COL11A1: variants seen among roughly 807,000 people sequenced by gnomAD.
COL11A1 encodes collagen alpha-1(XI) chain.
A neutral mutation model predicts 265.2 loss-of-function variants in COL11A1; 74 were observed. That is an observed-to-expected ratio of 0.28 (90% confidence interval 0.23 to 0.34). The LOEUF is 0.34. COL11A1 is among the 10% of genes least tolerant of loss of function. The pLI is 1.00. For missense variants in COL11A1, 2,165 were observed against 2,263.6 expected (o/e 0.96, Z 0.88); for synonymous variants, 816 against 727.6 (o/e 1.12, Z -1.96).
chr1:103,095,538 G>A (rs1325175582), intron 1 of COL11A1, among the ~76,000 whole-genome samples: 2 of 151,912 alleles, frequency 1.3e-5, no homozygotes, highest in African/African-American at 4.8e-5. Flanking sequence ...TAAGCAAAAG[G>A]AAAAATAAGT....
chr1:102,943,356 T>G (rs528833917), intron 42 of COL11A1, among the ~76,000 whole-genome samples: 1 of 151,992 alleles, frequency 6.6e-6, no homozygotes, highest in Non-Finnish European at 1.5e-5. Flanking sequence ...TCTTTCGGAT[T>G]TCAGTATTCT....
chr1:103,071,759 G>C (rs979887536), intron 4 of COL11A1, among the ~76,000 whole-genome samples: 3 of 150,724 alleles, frequency 2.0e-5, no homozygotes, highest in African/African-American at 7.3e-5. Context: ...AAGTTGAAAT[G>C]TCATGGTTGT....
chr1:102,908,191 T>A (rs11164635), intron 54 of COL11A1, among the ~76,000 whole-genome samples: 98,376 of 151,968 alleles, frequency 0.65, 35,750 homozygotes, highest in East Asian at 0.98. Context: ...GGTATTTGTG[T>A]CAAATACTTT....
chr1:102,893,522 T>C (rs150668383), intron 57 of COL11A1, among the ~76,000 whole-genome samples: 179 of 152,278 alleles, frequency 1.2e-3, no homozygotes, highest in African/African-American at 4.1e-3. Flanking sequence ...TTATTCTAAC[T>C]ATACATATTT....
At chr1:102,992,294 AAAC>A (rs1259946117) in intron 28 of COL11A1, among the ~76,000 whole-genome samples, 1 of 152,102 alleles carries the variant, frequency 6.6e-6, no homozygotes, top group Non-Finnish European at 1.5e-5. Flanking sequence ...AAAAAGAAGA[AAAC>A]ATAGTTTTAG....
intron 9 of COL11A1, among the ~76,000 whole-genome samples, chr1:103,019,720 C>T (rs1286769474): frequency 6.9e-6 from 1 of 145,084 alleles, no homozygotes; most frequent in Non-Finnish European, 1.5e-5. Flanking sequence ...GTATATCTCC[C>T]AATGCTATCC....
intron 4 of COL11A1, among the ~76,000 whole-genome samples, chr1:103,069,177 T>A (rs1431309346): frequency 6.6e-6 from 1 of 151,492 alleles, no homozygotes; most frequent in Non-Finnish European, 1.5e-5. Context: ...TTTCTAAAAC[T>A]ACAGTAATCA....
intron 46 of COL11A1, among the ~76,000 whole-genome samples, chr1:102,924,024 C>G (rs938881932): frequency 1.4e-5 from 2 of 147,562 alleles, no homozygotes; most frequent in African/African-American, 5.1e-5. Context: ...CTGGCTAACA[C>G]CGGTGAAACC....
At chr1:103,001,686 G>T in intron 24 of COL11A1, 1 of 568,046 alleles carries the variant, frequency 1.8e-6, no homozygotes, top group Non-Finnish European at 3.2e-6. Context: ...AATTAACATA[G>T]CTGAGAATGC....
chr1:103,005,965 A>G, intron 17 of COL11A1, 74 bp from the exon 18 acceptor site: 1 of 1,612,590 alleles, frequency 6.2e-7, no homozygotes. Context: ...TGCAATTTAA[A>G]TGCGAAATAT....
rs188690372 is a variant in COL11A1, at chr1:102,947,031, G to A, written c.3169-75C>T. The A allele has an allele frequency of 2.3e-5, 27 of 1,150,350 alleles. No homozygotes were observed. The East Asian group carries it at 6.6e-4, about 28-fold the overall frequency. The allele number at this position is 1,150,350 out of a possible 1,614,324, so 71.3% of individuals were successfully genotyped here. On this transcript the variant is annotated intron_variant, in intron 41 of 66. Transcript: ENST00000370096. ...CTTAAGAATCACTTATTTAACAATA[G>A]CTTCTTACAGTCTAGTAAATTATGT... is the stretch of plus-strand genomic sequence containing the variant.
intron 46 of COL11A1, among the ~76,000 whole-genome samples, chr1:102,926,396 C>T (rs1406269467): frequency 6.6e-6 from 1 of 152,042 alleles, no homozygotes; most frequent in African/African-American, 2.4e-5. Flanking sequence ...TGTATATATC[C>T]TTCATATGCA....
intron 4 of COL11A1, among the ~76,000 whole-genome samples, chr1:103,055,903 C>T (rs79486314): frequency 0.014 from 2,055 of 152,156 alleles, 46 homozygotes; most frequent in African/African-American, 0.046. Flanking sequence ...TGTGTGAGCC[C>T]GCTACAGCCC....
chr1:102,987,716 T>G lies in COL11A1; in HGVS notation c.2419A>C (p.Arg807=). Residue 807 remains arginine, a synonymous_variant, in exon 30 of 67, where the codon AGA becomes CGA. Coordinates refer to ENST00000370096, the MANE Select transcript of COL11A1 (RefSeq NM_001854.4). ...DRGEVGQIGP[R]GEDGPEGPKG... ...GGTCCTTCAGGGCCATCTTCCCCTCTTGGGCCAATTTGACCAACTTCTCCC... is the reference window on the plus strand; with the variant it reads ...GGTCCTTCAGGGCCATCTTCCCCTCGTGGGCCAATTTGACCAACTTCTCCC... 1 of 1,613,582 alleles carries G rather than the reference T, an allele frequency of 6.2e-7. No homozygotes were observed. Among genetic ancestry groups the G allele is most frequent in the South Asian group, 1.1e-5 (1 of 91,082 alleles).
In COL11A1 at chr1:102,958,761, A is replaced by G. The variant is rs570725678; in HGVS notation, c.3168+3105T>C. On this transcript the variant is annotated intron_variant, in intron 41 of 66. Coordinates refer to ENST00000370096, the MANE Select transcript of COL11A1 (RefSeq NM_001854.4). ...AACACAGTGAGCATCTATCAAGCATATCTATTAGCAAAGTATAAAATCCTT... is the reference window on the plus strand; with the variant it reads ...AACACAGTGAGCATCTATCAAGCATGTCTATTAGCAAAGTATAAAATCCTT... 6.6e-4 allele frequency among the ~76,000 whole-genome samples: 100 copies of G among 152,348 alleles called. 1 individual carries two copies. The highest frequency in any genetic ancestry group is 2.4e-3 in the African/African-American group (99 of 41,580).
intron 54 of COL11A1, among the ~76,000 whole-genome samples, chr1:102,906,034 GTTTA>G (rs1367104297): frequency 1.3e-5 from 2 of 152,110 alleles, no homozygotes; most frequent in Admixed American, 6.5e-5. Context: ...TTAATAATAG[GTTTA>G]TTTAGTTTAT....
chr1:103,094,965 C>T (rs953729414), intron 1 of COL11A1, among the ~76,000 whole-genome samples: 5 of 151,998 alleles, frequency 3.3e-5, no homozygotes, highest in Non-Finnish European at 5.9e-5. Flanking sequence ...GGCAATACTA[C>T]TTTCTAGGTA....
At chr1:102,917,974 A>T (rs1005794341) in intron 49 of COL11A1, among the ~76,000 whole-genome samples, 1 of 151,548 alleles carries the variant, frequency 6.6e-6, no homozygotes, top group Non-Finnish European at 1.5e-5. Context: ...AGCTAAAATG[A>T]AATTTAAAAT....
rs1299266189 is a variant in COL11A1 at position 102,884,045 on chromosome 1, AAAGTTACTAGGAGCC to A, written c.4859-749_4859-735del. Among the ~76,000 whole-genome samples, 3 of 152,304 alleles carry A rather than the reference AAAGTTACTAGGAGCC, an allele frequency of 2.0e-5. No homozygotes were observed. In the East Asian group the frequency reaches 5.8e-4, roughly 29 times the overall value. On this transcript the variant is annotated intron_variant, in intron 63 of 66. Coordinates refer to ENST00000370096, the MANE Select transcript of COL11A1 (RefSeq NM_001854.4). ...ACTGACAATACGGCTTTAGTTAACA[AAAGTTACTAGGAGCC>A]AAAAGTGATATACATGTAAACATTA...
Sources: gnomAD v4.1 joint callset for allele counts (sites outside exome capture counted in the v4.1 genomes callset) on GRCh38, gnomAD v4.1.1 for gene constraint, MANE v1.5 for transcripts, NCBI Gene and HGNC (gene_info 2026-07-23, HGNC 2026-07-21) for gene names.